Variants in GRM1 observed in about 807,000 individuals in gnomAD.
The protein encoded by GRM1 is glutamate metabotropic receptor 1.
In GRM1, 33 loss-of-function variants were observed where a neutral mutation model predicts 90.9. The observed-to-expected ratio is 0.36, with a 90% CI of 0.28 to 0.49. The LOEUF is 0.49. Among genes scored for constraint, GRM1 ranks in the 20% least tolerant of loss-of-function variants. GRM1 has a pLI of 0.99. For synonymous variants in GRM1, 700 were observed against 613.2 expected (o/e 1.14, Z -2.09); for missense variants, 1,190 against 1,534.3 (o/e 0.78, Z 3.75).
chr6:146,037,009 A>T (rs1403070530), intron 1 of GRM1, among the ~76,000 whole-genome samples: 3 of 152,012 alleles, frequency 2.0e-5, no homozygotes, highest in African/African-American at 7.2e-5. Context: ...GAAAATGTTT[A>T]ATTACTGTTT....
At chr6:146,075,428 A>T (rs1196049090) in intron 1 of GRM1, among the ~76,000 whole-genome samples, 2 of 152,162 alleles carry the variant, frequency 1.3e-5, no homozygotes, top group African/African-American at 4.8e-5. Context: ...GTAATAGATA[A>T]CTAAATTGTA....
At chr6:146,281,733 A>T (rs1002517187) in intron 2 of GRM1, among the ~76,000 whole-genome samples, 2 of 152,202 alleles carry the variant, frequency 1.3e-5, no homozygotes, top group Non-Finnish European at 2.9e-5. Context: ...ATATGGCTTT[A>T]TTCTTTTCAA....
In GRM1 at chr6:146,407,030, A is replaced by T. The variant is rs1363073351; in HGVS notation, c.2660+7331A>T. 2.6e-5 allele frequency among the ~76,000 whole-genome samples: 4 copies of T among 152,294 alleles called. No homozygotes were observed. In the East Asian group the frequency reaches 7.7e-4, roughly 29 times the overall value. ...GTGCCTAGGTGGCCAGCGCAAGGATATTTCGTTTGAGGTAAAGTCCTGTGC... is the reference window on the plus strand; with the variant it reads ...GTGCCTAGGTGGCCAGCGCAAGGATTTTTCGTTTGAGGTAAAGTCCTGTGC... On this transcript the variant is annotated intron_variant, in intron 7 of 7. Transcript: ENST00000282753.
At chr6:146,433,733 G>A in intron 7 of GRM1, 139 bp from the exon 8 acceptor site, 1 of 699,396 alleles carries the variant, frequency 1.4e-6, no homozygotes, top group Non-Finnish European at 2.6e-6. Context: ...GTAAGAGGAG[G>A]TATGGGGTGC....
At chr6:146,335,929 A>G (rs1441873724) in intron 3 of GRM1, among the ~76,000 whole-genome samples, 1 of 151,990 alleles carries the variant, frequency 6.6e-6, no homozygotes, top group Non-Finnish European at 1.5e-5. Flanking sequence ...GCCTCAAGAG[A>G]TCTGATGGTT....
At chr6:146,330,948 C>T (rs1275808976) in intron 3 of GRM1, among the ~76,000 whole-genome samples, 1 of 152,136 alleles carries the variant, frequency 6.6e-6, no homozygotes, top group Non-Finnish European at 1.5e-5. Flanking sequence ...CTAACAGGAA[C>T]TAATCATATA....
Position 146,435,016 on chromosome 6 carries a change from A to G in GRM1, c.*220A>G. ...TCCAGGCCAGGATTCGGATTCTTGA[A>G]TTACTCGAAGCCTTCTCTGGGAAGA... is the stretch of plus-strand genomic sequence containing the variant. On this transcript the variant is annotated 3_prime_UTR_variant, in exon 8 of 8. Transcript: ENST00000282753. 1 of 614,316 alleles carries G rather than the reference A, an allele frequency of 1.6e-6. No individual in the cohort carries two copies. The highest frequency in any genetic ancestry group is 1.8e-5 in the African/African-American group (1 of 54,486). The allele number at this position is 614,316 out of a possible 1,614,324, so 38.1% of individuals were successfully genotyped here.
intron 3 of GRM1, among the ~76,000 whole-genome samples, chr6:146,331,218 T>C (rs362949): frequency 0.23 from 35,368 of 152,174 alleles, 8,746 homozygotes; most frequent in African/African-American, 0.62. Flanking sequence ...GGAAATGATC[T>C]ATGAGCTATA....
intron 2 of GRM1, among the ~76,000 whole-genome samples, chr6:146,237,868 C>T (rs1305874139): frequency 3.3e-5 from 5 of 152,146 alleles, no homozygotes; most frequent in Non-Finnish European, 7.3e-5. Context: ...GTACAGACTA[C>T]GTACTCAAGA....
intron 2 of GRM1, among the ~76,000 whole-genome samples, chr6:146,255,640 CCT>C (rs1231642985): frequency 6.6e-6 from 1 of 152,016 alleles, no homozygotes; most frequent in Non-Finnish European, 1.5e-5. Flanking sequence ...TTGAATTTGT[CCT>C]CTTTCATTTT....
intron 2 of GRM1, among the ~76,000 whole-genome samples, chr6:146,261,491 G>C (rs1371202260): frequency 6.6e-6 from 1 of 151,886 alleles, no homozygotes; most frequent in African/African-American, 2.4e-5. Flanking sequence ...CTTTAACATG[G>C]AGAAAAAAAA....
intron 1 of GRM1, among the ~76,000 whole-genome samples, chr6:146,139,795 C>T (rs138180129): frequency 2.0e-5 from 3 of 152,058 alleles, no homozygotes; most frequent in African/African-American, 7.2e-5. Context: ...AGTGTTTAGT[C>T]GACTTAACAT....
upstream of GRM1, among the ~76,000 whole-genome samples, chr6:146,028,079 G>A (rs1790556404): frequency 1.3e-5 from 2 of 152,154 alleles, no homozygotes; most frequent in Admixed American, 1.3e-4. Context: ...AGGAGCAGGG[G>A]AGGAACGGGA....
intron 7 of GRM1, among the ~76,000 whole-genome samples, chr6:146,414,142 C>T (rs1777673575): frequency 6.6e-6 from 1 of 152,102 alleles, no homozygotes; most frequent in African/African-American, 2.4e-5. Context: ...TTACACAATA[C>T]TTTTGTCATT....
chr6:146,356,176 G>A (rs1325267836), intron 4 of GRM1, among the ~76,000 whole-genome samples: 1 of 152,178 alleles, frequency 6.6e-6, no homozygotes, highest in Non-Finnish European at 1.5e-5. Flanking sequence ...GAGTATTTTA[G>A]GGCATTAATA....
chr6:146,400,398 C>CA (rs1390737578), intron 7 of GRM1, among the ~76,000 whole-genome samples: 1 of 149,966 alleles, frequency 6.7e-6, no homozygotes, highest in East Asian at 1.9e-4. Context: ...CATAAAGCAC[C>CA]AAAAAATAAA....
At chr6:146,106,206 G>A (rs1349423332) in intron 1 of GRM1, among the ~76,000 whole-genome samples, 1 of 152,178 alleles carries the variant, frequency 6.6e-6, no homozygotes, top group Non-Finnish European at 1.5e-5. Flanking sequence ...AACACCACTT[G>A]ATTAATGGAA....
intron 5 of GRM1, among the ~76,000 whole-genome samples, chr6:146,366,720 T>A (rs1775704136): frequency 6.6e-6 from 1 of 152,170 alleles, no homozygotes; most frequent in Admixed American, 6.6e-5. Flanking sequence ...ATGTCTAGGT[T>A]TTTTTCCCCA....
chr6:146,173,540 A>G (rs1778221354), intron 2 of GRM1, among the ~76,000 whole-genome samples: 1 of 152,134 alleles, frequency 6.6e-6, no homozygotes, highest in Admixed American at 6.5e-5. Context: ...AAAATAATTA[A>G]GAGCCACTGC....
Sources: allele counts gnomAD v4.1 joint callset (sites outside exome capture counted in the v4.1 genomes callset), GRCh38; gene constraint gnomAD v4.1.1; transcripts MANE v1.5; gene names NCBI Gene and HGNC (gene_info 2026-07-23, HGNC 2026-07-21).